The following UGT1A6 variants were observed in gnomAD, a reference collection of about 807,000 sequenced individuals.
UGT1A6 encodes UDP glucuronosyltransferase family 1 member A6.
UGT1A6 carries 32 observed loss-of-function variants against 44.4 expected under a neutral mutation model. The observed-to-expected ratio is 0.72, with a 90% CI of 0.54 to 0.97. The LOEUF is 0.97. Ranked by LOEUF, UGT1A6 falls within the 50% of genes least tolerant of loss-of-function variation. UGT1A6 has a pLI of 0.00. For synonymous variants in UGT1A6, 238 were observed against 248.5 expected (o/e 0.96, Z 0.40); for missense variants, 685 against 661.9 (o/e 1.03, Z -0.38).
chr2:233,764,410 G>T (rs1287852484), intron 1 of UGT1A6, among the ~76,000 whole-genome samples: 1 of 152,152 alleles, frequency 6.6e-6, no homozygotes, highest in Non-Finnish European at 1.5e-5. Context: ...TCTGCAGTTT[G>T]CCCTGCGTGA....
intron 1 of UGT1A6, among the ~76,000 whole-genome samples, chr2:233,758,754 A>G (rs888171679): frequency 2.0e-5 from 3 of 152,132 alleles, no homozygotes; most frequent in African/African-American, 7.2e-5. Context: ...CTGGCCAGTG[A>G]TGTGTATGGT....
At chr2:233,757,428 A>G (rs987166652) in intron 1 of UGT1A6, among the ~76,000 whole-genome samples, 8 of 151,196 alleles carry the variant, frequency 5.3e-5, no homozygotes, top group South Asian at 2.1e-4. Flanking sequence ...AAGAGAAGAA[A>G]AGTCACTTCT....
chr2:233,691,717 G>A, upstream of UGT1A6: 1 of 899,256 alleles, frequency 1.1e-6, no homozygotes. Flanking sequence ...CCTGGCAGAT[G>A]GGTGGCTGGG....
At chr2:233,715,166 G>T (rs568439911) in intron 1 of UGT1A6, among the ~76,000 whole-genome samples, 1 of 152,228 alleles carries the variant, frequency 6.6e-6, no homozygotes, top group African/African-American at 2.4e-5. Context: ...AATTACAGGC[G>T]CGAGCCACCA....
intron 1 of UGT1A6, chr2:233,747,633 C>T (rs1217240528): frequency 4.9e-5 from 78 of 1,580,658 alleles, no homozygotes; most frequent in Non-Finnish European, 6.7e-5. Flanking sequence ...GATCAGGCAC[C>T]TGAATGCTAC....
Position 233,757,535 on chromosome 2 carries a change from A to AATATATATATATATATATATAT in UGT1A6, c.862-9494_862-9473dup, listed in dbSNP as rs67292694. Among the ~76,000 whole-genome samples, 69 of 88,256 alleles carry AATATATATATATATATATATAT rather than the reference A, an allele frequency of 7.8e-4. 1 individual carries two copies. Among genetic ancestry groups the AATATATATATATATATATATAT allele is most frequent in the South Asian group, 4.2e-3 (8 of 1,918 alleles). 57.9% of individuals were successfully genotyped at this position (88,256 alleles called of 152,430 possible). ...CAAAGCCAAAATCTTGCCTGTAAGG[A>AATATATATATATATATATATAT]ATATATATATATATATATATATATA... On this transcript the variant is annotated intron_variant, in intron 1 of 4. Transcript: ENST00000305139.
intron 1 of UGT1A6, among the ~76,000 whole-genome samples, chr2:233,705,866 T>C (rs1328225080): frequency 6.6e-6 from 1 of 152,092 alleles, no homozygotes; most frequent in African/African-American, 2.4e-5. Flanking sequence ...GGCAGGCAGA[T>C]CACTTGAGGC....
intron 1 of UGT1A6, among the ~76,000 whole-genome samples, chr2:233,766,542 G>T (rs186130827): frequency 4.6e-5 from 7 of 152,298 alleles, no homozygotes; most frequent in African/African-American, 1.7e-4. Context: ...AAACAAAAAT[G>T]CCTGTCCTCA....
intron 1 of UGT1A6, among the ~76,000 whole-genome samples, chr2:233,694,689 C>A (rs1300975135): frequency 6.6e-6 from 1 of 152,142 alleles, no homozygotes; most frequent in Non-Finnish European, 1.5e-5. Context: ...TCCCAAAGAC[C>A]CTTACCTCTC....
intron 1 of UGT1A6, among the ~76,000 whole-genome samples, chr2:233,764,578 C>T (rs146266932): frequency 2.0e-4 from 31 of 152,244 alleles, no homozygotes; most frequent in African/African-American, 6.5e-4. Flanking sequence ...AACTTAGACT[C>T]GGCCTTTTCC....
Position 233,693,477 on chromosome 2 carries a change from T to A in UGT1A6, c.473T>A (p.Ile158Asn), listed in dbSNP as rs1474224090. The stretch of plus-strand genomic sequence containing the variant: ...GACCCAGCCTTACCCTGTGGGGTGA[T>A]CCTGGCTGAGTATTTGGGCCTACCA... ...FTDPALPCGV[I>N]LAEYLGLPSV... Residue 158 changes from isoleucine (I) to asparagine (N), a missense_variant, in exon 1 of 5, where the codon ATC (isoleucine) becomes AAC (asparagine). Physicochemically the swap from Ile to Asn is moderately radical, Grantham distance 149. Coordinates refer to ENST00000305139, the MANE Select transcript of UGT1A6 (RefSeq NM_001072.4). 1 of 1,614,186 alleles carries A rather than the reference T, an allele frequency of 6.2e-7. No homozygotes were observed. The highest frequency in any genetic ancestry group is 8.5e-7 in the Non-Finnish European group (1 of 1,180,032).
intron 1 of UGT1A6, among the ~76,000 whole-genome samples, chr2:233,723,417 T>C (rs2077082381): frequency 7.4e-6 from 1 of 134,694 alleles, no homozygotes; most frequent in African/African-American, 3.0e-5. Flanking sequence ...ACCATACTGG[T>C]CAGGCTGGTC....
At chr2:233,713,653 C>T in intron 1 of UGT1A6, 2 of 1,613,962 alleles carry the variant, frequency 1.2e-6, no homozygotes, top group Non-Finnish European at 1.7e-6. Context: ...CTGGCCCTGT[C>T]CTACCTTTGC....
chr2:233,706,059 C>T lies in UGT1A6; in HGVS notation c.861+12194C>T, dbSNP rs28898587. 2.0e-3 allele frequency among the ~76,000 whole-genome samples: 305 copies of T among 152,274 alleles called. 7 individuals carry two copies. In the East Asian group the frequency reaches 0.057, roughly 29 times the overall value. ...GCAGTGAGCCGAGATCACGCCACTGCATGCCAGCCTGGGTGACAGAGCTAG... is the reference window on the plus strand; with the variant it reads ...GCAGTGAGCCGAGATCACGCCACTGTATGCCAGCCTGGGTGACAGAGCTAG... On this transcript the variant is annotated intron_variant, in intron 1 of 4. Transcript: ENST00000305139.
chr2:233,692,763 G>GAGAAACACCC, upstream of UGT1A6: 1 of 1,239,150 alleles, frequency 8.1e-7, no homozygotes, highest in Non-Finnish European at 1.0e-6. Context: ...TGGAGCTGAA[G>GAGAAACACCC]AGAAACACCC....
intron 1 of UGT1A6, among the ~76,000 whole-genome samples, chr2:233,737,056 C>T (rs372490869): frequency 3.3e-5 from 5 of 152,206 alleles, no homozygotes; most frequent in South Asian, 2.1e-4. Context: ...ACTAGGAGAA[C>T]GAGTGCTCTC....
At chr2:233,698,313 T>C (rs545521054) in intron 1 of UGT1A6, among the ~76,000 whole-genome samples, 1 of 152,354 alleles carries the variant, frequency 6.6e-6, no homozygotes, top group South Asian at 2.1e-4. Context: ...CAGATGGAAA[T>C]GTCTGGAACC....
At chr2:233,760,186 C>G (rs1697340087) in intron 1 of UGT1A6, 1 of 1,558,442 alleles carries the variant, frequency 6.4e-7, no homozygotes, top group Admixed American at 1.8e-5. Flanking sequence ...TTTTTATAGT[C>G]ACGTGACACA....
At chr2:233,715,853 C>T (rs2076473292) in intron 1 of UGT1A6, among the ~76,000 whole-genome samples, 1 of 152,126 alleles carries the variant, frequency 6.6e-6, no homozygotes, top group Admixed American at 6.5e-5. Context: ...ATATGAAAAG[C>T]TGGGTGCAGT....
Sources: allele counts gnomAD v4.1 joint callset (sites outside exome capture counted in the v4.1 genomes callset), GRCh38; gene constraint gnomAD v4.1.1; transcripts MANE v1.5; gene names NCBI Gene and HGNC (gene_info 2026-07-23, HGNC 2026-07-21).